The following TBX22 variants were observed in gnomAD, a reference collection of about 807,000 sequenced individuals.
TBX22 encodes T-box transcription factor TBX22.
A neutral mutation model predicts 30.1 loss-of-function variants in TBX22; 8 were observed. That is an observed-to-expected ratio of 0.27 (90% confidence interval 0.16 to 0.48). The LOEUF (loss-of-function observed/expected upper bound fraction) is 0.48. Ranked by LOEUF, TBX22 falls within the 20% of genes least tolerant of loss-of-function variation. The pLI is 0.99. For synonymous variants in TBX22, 173 were observed against 149.1 expected (o/e 1.16, Z -1.17); for missense variants, 463 against 400.5 (o/e 1.16, Z -1.33).
intron 8 of TBX22, among the ~76,000 whole-genome samples, chrX:80,028,894 GTCTAA>G (rs377647031): frequency 3.8e-3 from 420 of 110,293 alleles, no homozygotes; most frequent in African/African-American, 0.013. Context: ...AAGAAGTGAA[GTCTAA>G]TCATTTGGTG....
In TBX22 at chrX:80,019,803, T is replaced by G. The variant is rs750670328; in HGVS notation, c.-2-2465T>G. Among the ~76,000 whole-genome samples the G allele has an allele frequency of 4.5e-5, 5 of 111,826 alleles. No individual in the cohort carries two copies. In the South Asian group the frequency reaches 1.9e-3, roughly 42 times the overall value. On this transcript the variant is annotated intron_variant, in intron 1 of 8. Coordinates refer to ENST00000373296, the MANE Select transcript of TBX22 (RefSeq NM_001109878.2). ...CTAAGCTACATATCTCCCAGTGATG[T>G]CAACAGATATATACAGAAATGGGAA...
chrX:80,022,428 G>A lies in TBX22; in HGVS notation c.159G>A (p.Gly53=), dbSNP rs752053011. The part of the protein sequence containing the change: ...EEEERRSSAA[G]KSEPLEKQPK... ...AGGAGAGAAGGAGCAGCGCTGCAGG[G>A]AAGAGCGAGCCGCTTGGTAAGTACT... The change falls in exon 2 of 9, where the codon GGG becomes GGA. Residue 53 remains glycine, a synonymous_variant. Transcript: ENST00000373296. 1 of 1,189,250 alleles carries A rather than the reference G, an allele frequency of 8.4e-7. No homozygotes were observed. Among genetic ancestry groups the A allele is most frequent in the African/African-American group, 1.8e-5 (1 of 56,963 alleles).
rs1462584041 is a variant in TBX22 at position 80,025,594 on chromosome X, T to C, written c.459-9T>C. 1.7e-6 allele frequency: 2 copies of C among 1,205,519 alleles called. No individual in the cohort carries two copies. The highest frequency in any genetic ancestry group is 3.0e-5 in the East Asian group (1 of 33,783). ...GCTGCACCTAATGCCACAGCATGTG[T>C]TTTTTCAGGTACGTCTATCACAGCT... On this transcript the variant is annotated splice_polypyrimidine_tract_variant and intron_variant, in intron 4 of 8. Transcript: ENST00000373296.
chrX:80,023,871 C>T (rs1923840676), intron 3 of TBX22, among the ~76,000 whole-genome samples, 192 bp from the exon 4 acceptor site: 2 of 111,733 alleles, frequency 1.8e-5, no homozygotes, highest in South Asian at 3.8e-4. Context: ...TTAGAAATTC[C>T]GTACTTGTTC....
At chrX:80,016,947 A>C (rs1923465891) in intron 1 of TBX22, among the ~76,000 whole-genome samples, 1 of 97,184 alleles carries the variant, frequency 1.0e-5, no homozygotes, top group Admixed American at 1.2e-4. Context: ...CAGAGGTTGC[A>C]GTGAGCTGAG....
chrX:80,020,936 CAAAAGA>C (rs1923661304), intron 1 of TBX22, among the ~76,000 whole-genome samples: 1 of 111,482 alleles, frequency 9.0e-6, no homozygotes, highest in African/African-American at 3.3e-5. Context: ...ATGCAACCTG[CAAAAGA>C]ATCCAGGGGC....
intron 1 of TBX22, among the ~76,000 whole-genome samples, chrX:80,017,890 G>T (rs185282009): frequency 3.3e-4 from 37 of 112,071 alleles, no homozygotes; most frequent in African/African-American, 1.1e-3. Context: ...TTCACCATTT[G>T]ATAGCAGTAT....
rs146024976 is a variant in TBX22, at chrX:80,025,693, C to G, written c.549C>G (p.Pro183=). Reference sequence around the variant, plus strand: ...GATTCTATGTTCACCCGGACTCACCCTGCTCGGGAGAGACCTGGATGCGGC... The same window carrying G: ...GATTCTATGTTCACCCGGACTCACCGTGCTCGGGAGAGACCTGGATGCGGC... ...IPRFYVHPDS[P]CSGETWMRQI... The change falls in exon 5 of 9, where the codon CCC becomes CCG. Residue 183 remains proline (P), a synonymous_variant. Transcript: ENST00000373296. 3.3e-6 allele frequency: 4 copies of G among 1,208,461 alleles called. No individual in the cohort carries two copies. The African/African-American group carries it at 7.0e-5, about 21-fold the overall frequency.
chrX:80,027,940 A>C, intron 7 of TBX22, 51 bp from the exon 8 acceptor site: 1 of 951,354 alleles, frequency 1.1e-6, no homozygotes, highest in South Asian at 2.0e-5. Context: ...CAAAATCATT[A>C]TTTTCAGAAA....
Position 80,028,012 on chromosome X carries a change from A to G in TBX22, c.885A>G (p.Leu295=). 1 of 1,210,742 alleles carries G rather than the reference A, an allele frequency of 8.3e-7. No individual in the cohort carries two copies. Among genetic ancestry groups the G allele is most frequent in the Non-Finnish European group, 1.1e-6 (1 of 894,431 alleles). ...TTAGGGGTGTATTGGATGGGCTTTT[A>G]GAGACCTACCCATGGAGGCCTTCTT... The part of the protein sequence containing the change: ...GRNRGVLDGL[L]ETYPWRPSFT... The change falls in exon 8 of 9, where the codon TTA becomes TTG. Residue 295 remains leucine (L), a synonymous_variant. Transcript: ENST00000373296.
rs1191340851 is a variant in TBX22 at position 80,026,633 on chromosome X, G to A, written c.634-71G>A. 3 of 1,041,197 alleles carry A rather than the reference G, an allele frequency of 2.9e-6. No homozygotes were observed. The African/African-American group carries it at 5.6e-5, about 19-fold the overall frequency. The allele number at this position is 1,041,197 out of a possible 1,213,427, so 85.8% of individuals were successfully genotyped here. On this transcript the variant is annotated intron_variant, in intron 5 of 8. Coordinates refer to ENST00000373296, the MANE Select transcript of TBX22 (RefSeq NM_001109878.2). Reference sequence around the variant, plus strand: ...CTTTTTGTGTGCACATGGTGGAGGTGGTCAGGAGAGGGAACTAGGGTTTGG... The same window carrying A: ...CTTTTTGTGTGCACATGGTGGAGGTAGTCAGGAGAGGGAACTAGGGTTTGG...
chrX:80,017,352 C>A (rs1440011890), intron 1 of TBX22, among the ~76,000 whole-genome samples: 1 of 106,140 alleles, frequency 9.4e-6, no homozygotes, highest in Admixed American at 1.0e-4. Flanking sequence ...TTTGTAGAGA[C>A]AGGATCTTGC....
At position 80,031,346 on chromosome X, in the gene TBX22, A is replaced by C; in HGVS notation, c.*235A>C. On this transcript the variant is annotated 3_prime_UTR_variant, in exon 9 of 9. Transcript: ENST00000373296. ...TACAGTGGCCTTGAGCTTCAAAATG[A>C]GATATGCAATAAATATTATTTGATG... is the stretch of plus-strand genomic sequence containing the variant. 1 of 385,054 alleles carries C rather than the reference A, an allele frequency of 2.6e-6. No individual in the cohort carries two copies. The highest frequency in any genetic ancestry group is 2.5e-5 in the African/African-American group (1 of 40,117). The allele number at this position is 385,054 out of a possible 1,213,427, so 31.7% of individuals were successfully genotyped here.
chrX:80,018,052 G>C (rs926479849), intron 1 of TBX22, among the ~76,000 whole-genome samples: 1 of 111,976 alleles, frequency 8.9e-6, no homozygotes, highest in East Asian at 2.8e-4. Context: ...ACTCTACCAA[G>C]GAGCAAGAGT....
chrX:80,018,230 A>G (rs983598273), intron 1 of TBX22, among the ~76,000 whole-genome samples: 2 of 112,041 alleles, frequency 1.8e-5, no homozygotes, highest in African/African-American at 6.5e-5. Context: ...CACAGCTACG[A>G]GTTAGGGTCT....
At chrX:80,017,489 T>G (rs756501367) in intron 1 of TBX22, among the ~76,000 whole-genome samples, 2 of 110,048 alleles carry the variant, frequency 1.8e-5, no homozygotes, top group South Asian at 7.8e-4. Context: ...TAATGGAGAG[T>G]GTTTGAGGAC....
chrX:80,024,546 T>TTCACAATACC (rs1923880482), intron 4 of TBX22, among the ~76,000 whole-genome samples: 1 of 110,692 alleles, frequency 9.0e-6, no homozygotes, highest in African/African-American at 3.3e-5. Context: ...ATCCCCAGGC[T>TTCACAATACC]CTATGGGAGC....
chrX:80,022,918 T>TA, intron 2 of TBX22, 142 bp from the exon 3 acceptor site: 1 of 593,702 alleles, frequency 1.7e-6, no homozygotes, highest in Middle Eastern at 5.1e-4. Flanking sequence ...CAGAGGGTGT[T>TA]ATGCGGAGCT....
Position 80,031,315 on chromosome X carries a change from T to G in TBX22, c.*204T>G. 1 of 430,546 alleles carries G rather than the reference T, an allele frequency of 2.3e-6. No individual in the cohort carries two copies. The highest frequency in any genetic ancestry group is 4.0e-6 in the Non-Finnish European group (1 of 252,853). The allele number at this position is 430,546 out of a possible 1,213,427, so 35.5% of individuals were successfully genotyped here. A position where few individuals can be genotyped will look rare whatever the true frequency, so the allele number is the denominator to read the frequency against. Reference sequence around the variant, plus strand: ...ATGTCAAATGAAACCTACAGGAATCTCTGATTACAGTGGCCTTGAGCTTCA... The same window carrying G: ...ATGTCAAATGAAACCTACAGGAATCGCTGATTACAGTGGCCTTGAGCTTCA... On this transcript the variant is annotated 3_prime_UTR_variant, in exon 9 of 9. Transcript: ENST00000373296.
Sources: allele counts gnomAD v4.1 joint callset (sites outside exome capture counted in the v4.1 genomes callset), GRCh38; gene constraint gnomAD v4.1.1; transcripts MANE v1.5; gene names NCBI Gene and HGNC (gene_info 2026-07-23, HGNC 2026-07-21).